Variants in NAA38 observed in about 807,000 individuals in gnomAD.
NAA38 encodes LSM domain containing 1.
Under a neutral mutation model 12.6 loss-of-function variants are expected in NAA38, and 15 were observed. The observed-to-expected ratio is 1.19, with a 90% confidence interval of 0.79 to 1.83. The LOEUF (loss-of-function observed/expected upper bound fraction) is 1.83. Among genes scored for constraint, NAA38 ranks in the 40% most tolerant of loss-of-function variants. The pLI, the probability that NAA38 is intolerant of heterozygous loss-of-function variation, is 0.00. For synonymous variants in NAA38, 88 were observed against 69.9 expected, an observed-to-expected ratio of 1.26 and a Z score of -1.29; for missense variants, 183 against 171.7, an observed-to-expected ratio of 1.07 and a Z score of -0.37.
Position 7,856,851 on chromosome 17 carries a change from G to A in NAA38, c.266-8C>T. ...CCCCGGCAGAGAAGGAATCTGGAAA[G>A]AAGGATCAGAGCATCAGGAAAGTAG... On this transcript the variant is annotated splice_polypyrimidine_tract_variant and splice_region_variant and intron_variant, in intron 2 of 2. Coordinates refer to ENST00000575771, the MANE Select transcript of NAA38 (RefSeq NM_001320925.4). The A allele has an allele frequency of 6.2e-7, 1 of 1,613,242 alleles. No individual in the cohort carries two copies. Among genetic ancestry groups the A allele is most frequent in the Non-Finnish European group, 8.5e-7 (1 of 1,179,760 alleles).
chr17:7,859,309 A>G, upstream of NAA38: 2 of 1,248,474 alleles, frequency 1.6e-6, no homozygotes, highest in South Asian at 2.5e-5. Flanking sequence ...CAAGGGAGGC[A>G]CTTTGATCCC....
intron 2 of NAA38, among the ~76,000 whole-genome samples, chr17:7,882,343 G>A (rs1159852175): frequency 6.6e-6 from 1 of 152,138 alleles, no homozygotes; most frequent in African/African-American, 2.4e-5. Context: ...CACAGAAGGG[G>A]CCAGAAAGAG....
intron 3 of NAA38, chr17:7,863,371 A>G (rs886124268): frequency 1.3e-5 from 2 of 152,186 alleles, no homozygotes; most frequent in Non-Finnish European, 2.9e-5. Context: ...GCTGAAGGGA[A>G]GGCTGCCGTC....
At chr17:7,857,765 C>T (rs1326757899), upstream of NAA38, 3 of 1,275,056 alleles carry the variant, frequency 2.4e-6, no homozygotes, top group East Asian at 3.3e-5. Context: ...TGCCTCCTCC[C>T]TTGTTTTTCT....
intron 2 of NAA38, among the ~76,000 whole-genome samples, chr17:7,874,885 C>CAAAA (rs35962141): frequency 8.8e-5 from 4 of 45,480 alleles, no homozygotes; most frequent in Admixed American, 5.1e-4. Context: ...AACTCCATCT[C>CAAAA]AAAAAAAAAA....
At chr17:7,857,889 A>G (rs2078843412), upstream of NAA38, 4 of 1,395,818 alleles carry the variant, frequency 2.9e-6, no homozygotes, top group African/African-American at 5.8e-5. Flanking sequence ...GCGCAACTCA[A>G]TTACTTGATC....
At chr17:7,857,951 T>C (rs931813127), upstream of NAA38, 20 of 1,450,308 alleles carry the variant, frequency 1.4e-5, no homozygotes, top group African/African-American at 1.8e-4. Context: ...ACACGTGCAG[T>C]CCAAACCCCG....
Position 7,872,511 on chromosome 17 carries a change from C to T in NAA38, c.-65-5953G>A, listed in dbSNP as rs376985883. On this transcript the variant is annotated intron_variant, in intron 2 of 4. Coordinates refer to the NAA38 transcript ENST00000576861. ...CTGAGTAGCTGGGATTGCAGGCATG[C>T]GCCACCACGCCCGGCTAATTTTTGT... is the stretch of plus-strand genomic sequence containing the variant. Among the ~76,000 whole-genome samples the T allele has an allele frequency of 1.7e-3, 264 of 152,266 alleles. 13 individuals are homozygous for T. In the South Asian group the frequency reaches 0.051, roughly 29 times the overall value.
At chr17:7,859,697 G>A (rs2078868938), upstream of NAA38, 2 of 1,269,402 alleles carry the variant, frequency 1.6e-6, no homozygotes. Flanking sequence ...GTGGGGCCGA[G>A]GGGTGCCTGG....
intron 1 of NAA38, among the ~76,000 whole-genome samples, chr17:7,884,424 G>A (rs1328713666): frequency 4.2e-5 from 6 of 142,952 alleles, no homozygotes; most frequent in Non-Finnish European, 6.0e-5. Flanking sequence ...CGGAGAGGGG[G>A]GCAGAGAGAA....
At position 7,866,400 on chromosome 17, in the gene NAA38, G is replaced by A. The variant is rs546510655; in HGVS notation, c.3+91C>T. On this transcript the variant is annotated intron_variant, in intron 3 of 4. Coordinates refer to the NAA38 transcript ENST00000576861. ...TGGAATTACAGGTGTGAGCCATTGCGCCCGGCCGCCACGGGGAACTTTTAA... is the reference window on the plus strand; with the variant it reads ...TGGAATTACAGGTGTGAGCCATTGCACCCGGCCGCCACGGGGAACTTTTAA... The A allele has an allele frequency of 3.7e-5, 40 of 1,077,952 alleles. No homozygotes were observed. The East Asian group carries it at 3.9e-4, about 10-fold the overall frequency. 66.8% of individuals were successfully genotyped at this position (1,077,952 alleles called of 1,614,324 possible). A position where few individuals can be genotyped will look rare whatever the true frequency, so the allele number is the denominator to read the frequency against.
In NAA38 at chr17:7,857,442, T is replaced by A. The variant is rs372123662; in HGVS notation, c.22A>T (p.Met8Leu). The A allele has an allele frequency of 1.3e-6, 2 of 1,578,278 alleles. No homozygotes were observed. The highest frequency in any genetic ancestry group is 8.6e-7 in the Non-Finnish European group (1 of 1,163,352). The change falls in exon 1 of 3, where the codon ATG becomes TTG. Residue 8 changes from methionine to leucine, a missense_variant. Physicochemically the swap from Met to Leu is conservative, Grantham distance 15. Coordinates refer to ENST00000575771, the MANE Select transcript of NAA38 (RefSeq NM_001320925.4). Reference protein sequence around the residue: MAGAGPTMLLREENGCCS... With the variant: MAGAGPTLLLREENGCCS... ...CAGCCATTCTCTTCTCGTAGCAGCATGGTCGGTCCAGCTCCGGCCATTTGC... is the reference window on the plus strand; with the variant it reads ...CAGCCATTCTCTTCTCGTAGCAGCAAGGTCGGTCCAGCTCCGGCCATTTGC...
intron 2 of NAA38, among the ~76,000 whole-genome samples, chr17:7,875,796 T>C (rs1184422114): frequency 6.6e-6 from 1 of 152,206 alleles, no homozygotes; most frequent in East Asian, 1.9e-4. Flanking sequence ...CCATATCCAT[T>C]AGCAGTCCCT....
At chr17:7,882,503 A>C (rs1051050314) in intron 2 of NAA38, among the ~76,000 whole-genome samples, 8 of 152,202 alleles carry the variant, frequency 5.3e-5, no homozygotes. Context: ...GTTAAAAACA[A>C]AGACATAAAT....
chr17:7,860,488 A>C (rs2078875060), upstream of NAA38: 1 of 152,162 alleles, frequency 6.6e-6, no homozygotes, highest in African/African-American at 2.4e-5. Flanking sequence ...AACTTTGGAA[A>C]GTTTAATAGC....
At chr17:7,884,937 A>G in intron 1 of NAA38, 2 of 1,351,434 alleles carry the variant, frequency 1.5e-6, no homozygotes, top group Non-Finnish European at 9.7e-7. Context: ...GAGGACGATG[A>G]GGAGGACGAC....
chr17:7,866,200 C>A (rs934611212), intron 3 of NAA38: 2 of 219,042 alleles, frequency 9.1e-6, no homozygotes, highest in African/African-American at 2.3e-5. Context: ...CATTCTCCTG[C>A]CTCAGCCTCC....
intron 2 of NAA38, among the ~76,000 whole-genome samples, chr17:7,868,933 T>C (rs1443891238): frequency 1.3e-5 from 2 of 152,220 alleles, no homozygotes; most frequent in Non-Finnish European, 2.9e-5. Flanking sequence ...AGCTTCTTTA[T>C]ACAGTGATGG....
At chr17:7,858,755 G>T (rs768788348), upstream of NAA38, 1 of 1,597,950 alleles carries the variant, frequency 6.3e-7, no homozygotes, top group Non-Finnish European at 8.5e-7. Context: ...ATGAGGTGGG[G>T]CGGCTGTCTG....
Sources: allele counts gnomAD v4.1 joint callset (sites outside exome capture counted in the v4.1 genomes callset), GRCh38; gene constraint gnomAD v4.1.1; transcripts MANE v1.5; gene names NCBI Gene and HGNC (gene_info 2026-07-23, HGNC 2026-07-21).